LRRC20: variants seen among roughly 807,000 people sequenced by gnomAD.
LRRC20 encodes the protein leucine rich repeat containing 20.
Under a neutral mutation model 14.4 loss-of-function variants are expected in LRRC20, and 11 were observed. The observed-to-expected ratio is 0.77, with a 90% CI of 0.48 to 1.27. The LOEUF is 1.27. Among genes scored for constraint, LRRC20 ranks in the 50% most tolerant of loss-of-function variants. LRRC20 has a pLI of 0.00. For missense variants in LRRC20, 219 were observed against 251.2 expected (o/e 0.87, Z 0.87); for synonymous variants, 121 against 107.3 (o/e 1.13, Z -0.79).
At position 70,342,506 on chromosome 10, in the gene LRRC20, T is replaced by C. The variant is rs1333746699; in HGVS notation, c.83-1804A>G. Among the ~76,000 whole-genome samples, 5 of 152,114 alleles carry C rather than the reference T, an allele frequency of 3.3e-5. No individual in the cohort carries two copies. In the East Asian group the frequency reaches 7.7e-4, roughly 23 times the overall value. On this transcript the variant is annotated intron_variant, in intron 2 of 4. Coordinates refer to ENST00000446961, the MANE Select transcript of LRRC20 (RefSeq NM_001278212.2). ...CAGCAGCAGATAGACCCTAAAAGCA[T>C]AGGGGTTCAGAAATTAGTCTGTCCA...
chr10:70,307,158 GTGAC>G (rs1469726530), intron 4 of LRRC20, among the ~76,000 whole-genome samples: 12 of 152,228 alleles, frequency 7.9e-5, no homozygotes, highest in East Asian at 1.9e-4. Flanking sequence ...AATAGTAAGT[GTGAC>G]TGACTAAGCC....
intron 4 of LRRC20, among the ~76,000 whole-genome samples, chr10:70,304,507 T>TATATATATATATATATATATATATA (rs1491241599): frequency 7.4e-5 from 10 of 134,862 alleles, no homozygotes; most frequent in Non-Finnish European, 1.3e-4. Flanking sequence ...TATATATATA[T>TATATATATATATATATATATATATA]TTTACTAAGC....
intron 2 of LRRC20, among the ~76,000 whole-genome samples, chr10:70,355,429 G>A (rs1355333289): frequency 6.6e-6 from 1 of 152,092 alleles, no homozygotes; most frequent in East Asian, 1.9e-4. Context: ...AAAAGGGCAT[G>A]GGAGGAAGAG....
chr10:70,333,194 G>A (rs1842602382), intron 3 of LRRC20, among the ~76,000 whole-genome samples: 1 of 152,222 alleles, frequency 6.6e-6, no homozygotes, highest in South Asian at 2.1e-4. Context: ...GGCTCTGGAG[G>A]ACAGAGGTAC....
chr10:70,350,925 C>A (rs1189344091), intron 2 of LRRC20, among the ~76,000 whole-genome samples: 1 of 152,188 alleles, frequency 6.6e-6, no homozygotes, highest in Non-Finnish European at 1.5e-5. Flanking sequence ...GTGGCTCATG[C>A]CTGTAATCCT....
intron 2 of LRRC20, among the ~76,000 whole-genome samples, chr10:70,343,374 CA>C (rs1324778533): frequency 6.6e-6 from 1 of 152,136 alleles, no homozygotes; most frequent in Non-Finnish European, 1.5e-5. Flanking sequence ...GGGAAAAGGG[CA>C]AAAGTACAGA....
rs151222511 is a variant in LRRC20, at chr10:70,355,676, C to T, written c.83-14974G>A. Among the ~76,000 whole-genome samples, 228 of 152,266 alleles carry T rather than the reference C, an allele frequency of 1.5e-3. 1 individual carries two copies. Among genetic ancestry groups the T allele is most frequent in the African/African-American group, 5.2e-3 (215 of 41,550 alleles). ...CAAGAGTTTTACAAGCACTTAATGA[C>T]TTCTTACAAATATCTCCAGTTTAAA... On this transcript the variant is annotated intron_variant, in intron 2 of 4. Transcript: ENST00000446961.
chr10:70,373,387 T>C (rs1844385506), intron 2 of LRRC20, among the ~76,000 whole-genome samples: 1 of 152,152 alleles, frequency 6.6e-6, no homozygotes, highest in Non-Finnish European at 1.5e-5. Flanking sequence ...GTCTTGTAGG[T>C]GGTGGGCTGG....
chr10:70,375,116 C>T (rs1312971330), intron 2 of LRRC20, among the ~76,000 whole-genome samples: 2 of 152,132 alleles, frequency 1.3e-5, no homozygotes, highest in Non-Finnish European at 2.9e-5. Context: ...GTACAGGATT[C>T]CGGAATTCCT....
Position 70,323,929 on chromosome 10 carries a change from A to G in LRRC20, c.334T>C (p.Phe112Leu). The change falls in exon 4 of 5, where the codon TTC (phenylalanine) becomes CTC (leucine). Residue 112 changes from phenylalanine (F) to leucine (L), a missense_variant. Phe to Leu is a conservative substitution (Grantham distance 22). Coordinates refer to ENST00000446961, the MANE Select transcript of LRRC20 (RefSeq NM_001278212.2). ...GGCAGGGCGGTAAGCTGCTCAGGGA[A>G]GTCCTGGAACTGGTTCCGGGACAGG... is the stretch of plus-strand genomic sequence containing the variant. ...IDLSRNQFQDFPEQLTALPAL... is the reference protein window; with the variant it reads ...IDLSRNQFQDLPEQLTALPAL... 1.2e-6 allele frequency: 2 copies of G among 1,614,212 alleles called. No individual in the cohort carries two copies. Among genetic ancestry groups the G allele is most frequent in the Non-Finnish European group, 1.7e-6 (2 of 1,180,044 alleles).
At chr10:70,372,889 G>C (rs1237881875) in intron 2 of LRRC20, among the ~76,000 whole-genome samples, 1 of 151,194 alleles carries the variant, frequency 6.6e-6, no homozygotes, top group Non-Finnish European at 1.5e-5. Flanking sequence ...GATCGCTTGA[G>C]GCCAGGTGTT....
chr10:70,325,865 A>G (rs577307054), intron 3 of LRRC20, among the ~76,000 whole-genome samples: 1 of 152,310 alleles, frequency 6.6e-6, no homozygotes, highest in African/African-American at 2.4e-5. Context: ...GGCCTACTCC[A>G]GGCACCTCCC....
At chr10:70,336,181 G>A (rs540618090) in intron 3 of LRRC20, among the ~76,000 whole-genome samples, 1 of 152,152 alleles carries the variant, frequency 6.6e-6, no homozygotes, top group Non-Finnish European at 1.5e-5. Context: ...TGTGAATTTG[G>A]GCTCTGCTGT....
chr10:70,357,001 C>G (rs1843552053), intron 2 of LRRC20, among the ~76,000 whole-genome samples: 1 of 152,182 alleles, frequency 6.6e-6, no homozygotes, highest in Non-Finnish European at 1.5e-5. Context: ...TATATCCATT[C>G]AATGGAATAT....
intron 2 of LRRC20, among the ~76,000 whole-genome samples, chr10:70,346,208 G>A (rs1488485400): frequency 6.6e-6 from 1 of 152,114 alleles, no homozygotes; most frequent in Non-Finnish European, 1.5e-5. Flanking sequence ...CTGCACTCCA[G>A]CCTAGGCGAC....
intron 3 of LRRC20, among the ~76,000 whole-genome samples, chr10:70,326,248 T>C (rs114983797): frequency 0.016 from 2,467 of 150,602 alleles, 67 homozygotes; most frequent in African/African-American, 0.057. Context: ...CCCTCCCAGG[T>C]ATCCCTACAG....
At chr10:70,326,746 G>T (rs1842339305) in intron 3 of LRRC20, among the ~76,000 whole-genome samples, 1 of 151,964 alleles carries the variant, frequency 6.6e-6, no homozygotes. Flanking sequence ...TCCGCCTCCT[G>T]GGTTCACGCC....
At chr10:70,358,338 C>T (rs893905174) in intron 2 of LRRC20, among the ~76,000 whole-genome samples, 3 of 152,170 alleles carry the variant, frequency 2.0e-5, no homozygotes, top group African/African-American at 7.2e-5. Flanking sequence ...ATGGAAGCTG[C>T]GAGAGCCACA....
In LRRC20 at chr10:70,329,745, A is replaced by T. The variant is rs1422251701; in HGVS notation, c.233-5715T>A. Among the ~76,000 whole-genome samples the T allele has an allele frequency of 2.6e-5, 4 of 151,712 alleles. 1 individual carries two copies. The highest frequency in any genetic ancestry group is 7.3e-5 in the African/African-American group (3 of 41,372). ...ATGCCCAGCTAATTTTTTGTATTTT[A>T]CTAGAGACGGGGTTTCCCCATGTTG... On this transcript the variant is annotated intron_variant, in intron 3 of 4. Coordinates refer to ENST00000446961, the MANE Select transcript of LRRC20 (RefSeq NM_001278212.2).
Sources: allele counts gnomAD v4.1 joint callset (sites outside exome capture counted in the v4.1 genomes callset), GRCh38; gene constraint gnomAD v4.1.1; transcripts MANE v1.5; gene names NCBI Gene and HGNC (gene_info 2026-07-23, HGNC 2026-07-21).